ZNF654: variants seen among roughly 807,000 people sequenced by gnomAD.
ZNF654 encodes zinc finger protein 654, also known as melanoma-associated antigen.
ZNF654 carries 19 observed loss-of-function variants against 95.3 expected under a neutral mutation model. The observed-to-expected ratio is 0.20, with a 90% CI of 0.14 to 0.29. The LOEUF (loss-of-function observed/expected upper bound fraction) is 0.29, where lower values mean the gene tolerates loss of function less well. Ranked by LOEUF, ZNF654 falls within the 10% of genes least tolerant of loss-of-function variation. ZNF654 has a pLI of 1.00. For synonymous variants in ZNF654, 413 were observed against 457.9 expected (o/e 0.90, Z 1.25); for missense variants, 1,046 against 1,341.0 (o/e 0.78, Z 3.44).
rs531868473 is a variant in ZNF654 at position 88,064,066 on chromosome 3, T to C, written c.186+4561T>C. Among the ~76,000 whole-genome samples the C allele has an allele frequency of 3.3e-5, 5 of 151,888 alleles. No homozygotes were observed. In the East Asian group the frequency reaches 5.8e-4, roughly 18 times the overall value. On this transcript the variant is annotated intron_variant, in intron 1 of 8. Coordinates refer to ENST00000636215, the MANE Select transcript of ZNF654 (RefSeq NM_001350134.2). ...ACACATGCCTATGATTCTGTCAGTA[T>C]GGAAGAAAACAAGAATGGATATTAT...
At chr3:88,076,417 A>G (rs1363596102) in intron 1 of ZNF654, among the ~76,000 whole-genome samples, 2 of 151,698 alleles carry the variant, frequency 1.3e-5, no homozygotes, top group Admixed American at 1.3e-4. Flanking sequence ...TCTGATATAT[A>G]TCTCCTTTTT....
chr3:88,078,007 G>C lies in ZNF654; in HGVS notation c.187-8250G>C, dbSNP rs144547360. 5.3e-3 allele frequency among the ~76,000 whole-genome samples: 813 copies of C among 152,168 alleles called. 5 individuals carry two copies. The highest frequency in any genetic ancestry group is 0.017 in the African/African-American group (698 of 41,530). On this transcript the variant is annotated intron_variant, in intron 1 of 8. Transcript: ENST00000636215. ...AGGTTGAATTCCTTTGTGAAATGTT[G>C]TGAAATTTCTTTGTATTTAATATAA... is the stretch of plus-strand genomic sequence containing the variant.
chr3:88,134,270 T>G (rs1706638369), intron 6 of ZNF654, among the ~76,000 whole-genome samples: 1 of 152,132 alleles, frequency 6.6e-6, no homozygotes, highest in Non-Finnish European at 1.5e-5. Flanking sequence ...TGTCCTTAGA[T>G]TTAATACCTG....
chr3:88,138,690 T>C lies in ZNF654; in HGVS notation c.1036-15T>C. 1.6e-6 allele frequency: 2 copies of C among 1,227,942 alleles called. No individual in the cohort carries two copies. The highest frequency in any genetic ancestry group is 2.0e-6 in the Non-Finnish European group (2 of 984,168). The allele number at this position is 1,227,942 out of a possible 1,614,324, so 76.1% of individuals were successfully genotyped here. A position where few individuals can be genotyped will look rare whatever the true frequency, so the allele number is the denominator to read the frequency against. On this transcript the variant is annotated splice_polypyrimidine_tract_variant and intron_variant, in intron 7 of 8. Coordinates refer to ENST00000636215, the MANE Select transcript of ZNF654 (RefSeq NM_001350134.2). Reference sequence around the variant, plus strand: ...GGAAAAAAAGTATTTAGCACTAATATTTTTCTTTTTACAGGTTGAAGAAGA... The same window carrying C: ...GGAAAAAAAGTATTTAGCACTAATACTTTTCTTTTTACAGGTTGAAGAAGA...
Position 88,140,478 on chromosome 3 carries a change from A to C in ZNF654, c.2809A>C (p.Ser937Arg). ...CIESMEKKTD[S>R]LVQNGNERSD... ...AGAAAGTATGGAAAAGAAAACAGAC[A>C]GTTTAGTTCAGAATGGAAACGAACG... Residue 937 changes from serine (S) to arginine (R), a missense_variant, in exon 8 of 9, where the codon AGT becomes CGT. By Grantham distance (110) the Ser-to-Arg change is moderately radical. This residue lies in a region of ZNF654 where 495 missense variants were observed against 537.0 expected (regional missense o/e 0.92). Coordinates refer to ENST00000636215, the MANE Select transcript of ZNF654 (RefSeq NM_001350134.2). 6.2e-7 allele frequency: 1 copy of C among 1,613,758 alleles called. No individual in the cohort carries two copies. Among genetic ancestry groups the C allele is most frequent in the Non-Finnish European group, 8.5e-7 (1 of 1,179,760 alleles).
intron 8 of ZNF654, among the ~76,000 whole-genome samples, chr3:88,141,423 C>G (rs1707124132): frequency 6.6e-6 from 1 of 151,984 alleles, no homozygotes; most frequent in South Asian, 2.1e-4. Flanking sequence ...TTTTCATATG[C>G]ATTCCAGAAT....
chr3:88,087,618 A>C (rs1708404790), intron 2 of ZNF654, among the ~76,000 whole-genome samples: 1 of 152,242 alleles, frequency 6.6e-6, no homozygotes, highest in South Asian at 2.1e-4. Flanking sequence ...AGCAAGTCAC[A>C]GCTTCATCTG....
intron 1 of ZNF654, among the ~76,000 whole-genome samples, chr3:88,081,880 A>G (rs1209219116): frequency 6.6e-6 from 1 of 152,194 alleles, no homozygotes; most frequent in Admixed American, 6.5e-5. Flanking sequence ...GGATCTCTCA[A>G]TGGATAGCTA....
intron 3 of ZNF654, among the ~76,000 whole-genome samples, chr3:88,124,536 T>C (rs1485843124): frequency 6.6e-6 from 1 of 152,238 alleles, no homozygotes; most frequent in Non-Finnish European, 1.5e-5. Context: ...TATAAATCAC[T>C]TTATAATCTC....
intron 1 of ZNF654, among the ~76,000 whole-genome samples, chr3:88,062,141 C>G (rs1489401148): frequency 2.0e-5 from 3 of 152,146 alleles, no homozygotes; most frequent in Non-Finnish European, 4.4e-5. Context: ...TCAATAAATG[C>G]TTAAATAAAA....
chr3:88,072,972 TGTTA>T (rs6147950), intron 1 of ZNF654, among the ~76,000 whole-genome samples: 118,668 of 151,628 alleles, frequency 0.78, 47,346 homozygotes, highest in South Asian at 0.91. Context: ...TTAAAAAAAT[TGTTA>T]GTTTTAAAAT....
intron 2 of ZNF654, among the ~76,000 whole-genome samples, chr3:88,104,366 T>C (rs1013405431): frequency 9.2e-5 from 14 of 152,214 alleles, no homozygotes; most frequent in African/African-American, 3.4e-4. Context: ...TTTAGACTCA[T>C]GGACCGTAGT....
chr3:88,094,761 T>C (rs1703961821), intron 2 of ZNF654, among the ~76,000 whole-genome samples: 1 of 152,160 alleles, frequency 6.6e-6, no homozygotes, highest in Non-Finnish European at 1.5e-5. Flanking sequence ...CTAAGTCAGA[T>C]CATTAAAAAA....
chr3:88,110,889 A>T (rs1447473548), intron 2 of ZNF654, among the ~76,000 whole-genome samples: 2 of 152,004 alleles, frequency 1.3e-5, no homozygotes, highest in African/African-American at 4.8e-5. Flanking sequence ...TTTTGCCTTT[A>T]TTTGCTGTTA....
chr3:88,123,332 A>G (rs1244284612), intron 3 of ZNF654, among the ~76,000 whole-genome samples: 1 of 152,244 alleles, frequency 6.6e-6, no homozygotes, highest in Non-Finnish European at 1.5e-5. Flanking sequence ...CGAAGTGTAC[A>G]TACACAAAAA....
intron 1 of ZNF654, among the ~76,000 whole-genome samples, chr3:88,084,876 G>C (rs933160600): frequency 6.6e-6 from 1 of 152,180 alleles, no homozygotes; most frequent in African/African-American, 2.4e-5. Flanking sequence ...TTTCATCACA[G>C]TTGAGGAACC....
At chr3:88,069,381 C>T (rs576541010) in intron 1 of ZNF654, among the ~76,000 whole-genome samples, 2 of 152,148 alleles carry the variant, frequency 1.3e-5, no homozygotes, top group South Asian at 2.1e-4. Context: ...TAGATGGCGC[C>T]GCTGCACTTC....
chr3:88,139,902 A>G lies in ZNF654; in HGVS notation c.2233A>G (p.Asn745Asp). 1.2e-6 allele frequency: 2 copies of G among 1,613,272 alleles called. No individual in the cohort carries two copies. The highest frequency in any genetic ancestry group is 1.7e-6 in the Non-Finnish European group (2 of 1,179,602). Reference protein sequence around the residue: ...KDIYATDQEGNFKCPALGCVR... With the variant: ...KDIYATDQEGDFKCPALGCVR... The stretch of plus-strand genomic sequence containing the variant: ...CATATATGCCACAGATCAAGAAGGA[A>G]ACTTTAAGTGTCCTGCTCTTGGTTG... Residue 745 changes from asparagine (N) to aspartate (D), a missense_variant, in exon 8 of 9, where the codon AAC (asparagine) becomes GAC (aspartate). Coordinates refer to ENST00000636215, the MANE Select transcript of ZNF654 (RefSeq NM_001350134.2).
chr3:88,094,825 A>T (rs1339710258), intron 2 of ZNF654, among the ~76,000 whole-genome samples: 2 of 151,892 alleles, frequency 1.3e-5, no homozygotes, highest in African/African-American at 4.8e-5. Context: ...AATATTTTTG[A>T]TTTATAGAAC....
Sources: allele counts gnomAD v4.1 joint callset (sites outside exome capture counted in the v4.1 genomes callset), GRCh38; gene constraint gnomAD v4.1.1; regional missense constraint gnomAD v4.1.1; transcripts MANE v1.5; gene names NCBI Gene and HGNC (gene_info 2026-07-23, HGNC 2026-07-21).